Variants in UST observed in about 807,000 individuals in gnomAD.
UST encodes the protein chondroitin sulfate 2-O-sulfotransferase.
UST carries 21 observed loss-of-function variants against 45.6 expected under a neutral mutation model. The observed-to-expected ratio is 0.46, with a 90% CI of 0.33 to 0.66. The LOEUF is 0.66. Among genes scored for constraint, UST ranks in the 30% least tolerant of loss-of-function variants. The pLI is 0.02. For synonymous variants in UST, 215 were observed against 200.6 expected (o/e 1.07, Z -0.61); for missense variants, 463 against 512.4 (o/e 0.90, Z 0.93).
intron 6 of UST, among the ~76,000 whole-genome samples, chr6:149,020,169 G>A (rs908728385): frequency 1.3e-5 from 2 of 152,136 alleles, no homozygotes; most frequent in African/African-American, 2.4e-5. Flanking sequence ...TTTCTGCTTC[G>A]TTTTTAGGCG....
chr6:148,892,661 C>T (rs1333246456), intron 2 of UST, among the ~76,000 whole-genome samples: 4 of 152,178 alleles, frequency 2.6e-5, no homozygotes, highest in Non-Finnish European at 5.9e-5. Context: ...TGGTTACTGT[C>T]TTGCACAAGA....
chr6:149,024,151 G>A (rs773621781), intron 7 of UST, among the ~76,000 whole-genome samples: 9 of 152,224 alleles, frequency 5.9e-5, no homozygotes, highest in East Asian at 3.9e-4. Flanking sequence ...ACTTCTATAC[G>A]GCCTTCAGGG....
At chr6:149,039,814 G>A (rs1333000351) in intron 7 of UST, among the ~76,000 whole-genome samples, 2 of 152,222 alleles carry the variant, frequency 1.3e-5, no homozygotes, top group African/African-American at 4.8e-5. Context: ...GCACGAAGTG[G>A]AGGAGTCCTC....
chr6:149,002,568 G>A (rs778204388), intron 5 of UST, among the ~76,000 whole-genome samples: 14 of 152,052 alleles, frequency 9.2e-5, no homozygotes, highest in South Asian at 2.1e-4. Flanking sequence ...GTGCAGTGGC[G>A]CAATCTCAGC....
chr6:149,029,975 A>C (rs939296820), intron 7 of UST, among the ~76,000 whole-genome samples: 1 of 151,984 alleles, frequency 6.6e-6, no homozygotes, highest in African/African-American at 2.4e-5. Context: ...TACATGATGC[A>C]ATCATCTTAA....
intron 1 of UST, among the ~76,000 whole-genome samples, chr6:148,758,828 T>A (rs1776146605): frequency 6.6e-6 from 1 of 152,260 alleles, no homozygotes; most frequent in Non-Finnish European, 1.5e-5. Flanking sequence ...ATGCTGATTT[T>A]ACATTATTTC....
intron 7 of UST, among the ~76,000 whole-genome samples, chr6:149,038,766 A>G (rs1276644757): frequency 6.6e-6 from 1 of 152,184 alleles, no homozygotes; most frequent in African/African-American, 2.4e-5. Flanking sequence ...GCCTTCAAAG[A>G]TGAACACTGT....
chr6:148,800,774 ATTTTT>A (rs35096958), intron 1 of UST, among the ~76,000 whole-genome samples: 1 of 116,960 alleles, frequency 8.5e-6, no homozygotes. Flanking sequence ...TTCAGATCAG[ATTTTT>A]TTTTTTTTTT....
chr6:148,780,062 T>C (rs1562255066), intron 1 of UST, among the ~76,000 whole-genome samples: 2 of 146,664 alleles, frequency 1.4e-5, no homozygotes, highest in South Asian at 2.2e-4. Context: ...CACATACATA[T>C]ACAAATACAT....
intron 1 of UST, among the ~76,000 whole-genome samples, chr6:148,870,620 C>T (rs1004452151): frequency 6.6e-6 from 1 of 152,160 alleles, no homozygotes; most frequent in Non-Finnish European, 1.5e-5. Flanking sequence ...TCTTTTCTTC[C>T]AGATACAGCT....
chr6:148,802,066 T>C (rs1038383590), intron 1 of UST, among the ~76,000 whole-genome samples: 18 of 152,230 alleles, frequency 1.2e-4, no homozygotes, highest in African/African-American at 1.9e-4. Flanking sequence ...AACTTCACAT[T>C]GTGAAAACAG....
chr6:148,975,982 G>C (rs1781008008), intron 5 of UST, among the ~76,000 whole-genome samples: 1 of 152,022 alleles, frequency 6.6e-6, no homozygotes, highest in Non-Finnish European at 1.5e-5. Flanking sequence ...GGCATTATAG[G>C]CAACATTAAC....
At chr6:149,066,884 GCCA>G (rs956201010) in intron 7 of UST, among the ~76,000 whole-genome samples, 6 of 152,096 alleles carry the variant, frequency 3.9e-5, no homozygotes, top group African/African-American at 1.4e-4. Flanking sequence ...GCTGCAGTGA[GCCA>G]CCACTGCACT....
chr6:148,924,478 G>T (rs530576200), intron 2 of UST, among the ~76,000 whole-genome samples: 1 of 152,348 alleles, frequency 6.6e-6, no homozygotes, highest in East Asian at 1.9e-4. Flanking sequence ...TGAAAGGGGA[G>T]TTGGGGAGAA....
chr6:148,820,214 T>A (rs1001290067), intron 1 of UST, among the ~76,000 whole-genome samples: 7 of 152,184 alleles, frequency 4.6e-5, no homozygotes, highest in African/African-American at 1.7e-4. Flanking sequence ...TACAAACTTA[T>A]GGAAAAATTG....
At chr6:148,850,581 C>T (rs947332668) in intron 1 of UST, among the ~76,000 whole-genome samples, 4 of 152,120 alleles carry the variant, frequency 2.6e-5, no homozygotes, top group African/African-American at 9.7e-5. Context: ...TTCTGAAGGG[C>T]AACATAAAAT....
chr6:148,768,506 C>T (rs1776360389), intron 1 of UST, among the ~76,000 whole-genome samples: 2 of 151,910 alleles, frequency 1.3e-5, no homozygotes, highest in Non-Finnish European at 2.9e-5. Flanking sequence ...CTTTTCTTTG[C>T]TTTTAGGCTT....
chr6:148,983,928 A>G (rs1781187490), intron 5 of UST, among the ~76,000 whole-genome samples: 1 of 152,214 alleles, frequency 6.6e-6, no homozygotes, highest in African/African-American at 2.4e-5. Context: ...ATGTGTACAA[A>G]CACACGATAA....
At chr6:148,972,608 G>T (rs1168259057) in intron 5 of UST, among the ~76,000 whole-genome samples, 2 of 152,232 alleles carry the variant, frequency 1.3e-5, no homozygotes, top group Non-Finnish European at 2.9e-5. Context: ...CGCAAGGGCC[G>T]CCAGAGCACA....
Sources: allele counts gnomAD v4.1 joint callset (sites outside exome capture counted in the v4.1 genomes callset), GRCh38; gene constraint gnomAD v4.1.1; transcripts MANE v1.5; gene names NCBI Gene and HGNC (gene_info 2026-07-23, HGNC 2026-07-21).